The following KIF2A variants were observed in gnomAD, a reference collection of about 807,000 sequenced individuals.
KIF2A encodes the protein kinesin family member 2A, also known as kinesin-like protein KIF2A.
KIF2A carries 22 observed loss-of-function variants against 100.2 expected under a neutral mutation model. That is an observed-to-expected ratio of 0.22 (90% CI 0.16 to 0.31). KIF2A has a LOEUF of 0.31. Among genes scored for constraint, KIF2A ranks in the 10% least tolerant of loss-of-function variants. The probability of loss-of-function intolerance (pLI) is 1.00; values close to 1 mark genes in which losing one functional copy is unlikely to be tolerated. For missense variants in KIF2A, 495 were observed against 898.7 expected, an observed-to-expected ratio of 0.55 and a Z score of 5.74; for synonymous variants, 268 against 285.9, an observed-to-expected ratio of 0.94 and a Z score of 0.63.
chr5:62,329,683 C>CT (rs1234413067), intron 1 of KIF2A, among the ~76,000 whole-genome samples: 1 of 152,084 alleles, frequency 6.6e-6, no homozygotes, highest in Non-Finnish European at 1.5e-5. Context: ...CTAAATAATG[C>CT]TTTTTTGTAG....
Position 62,306,435 on chromosome 5 carries a change from C to G in KIF2A, c.-38C>G. 1.3e-6 allele frequency: 2 copies of G among 1,520,164 alleles called. No homozygotes were observed. The highest frequency in any genetic ancestry group is 1.8e-6 in the Non-Finnish European group (2 of 1,125,226). 94.2% of individuals were successfully genotyped at this position (1,520,164 alleles called of 1,614,324 possible). A position where few individuals can be genotyped will look rare whatever the true frequency, so the allele number is the denominator to read the frequency against. ...CCCCGCCTTTTCCGCCCTCCGGTCCCCCTCCCTCGGCCCGCTGCTGCTGCT... is the reference window on the plus strand; with the variant it reads ...CCCCGCCTTTTCCGCCCTCCGGTCCGCCTCCCTCGGCCCGCTGCTGCTGCT... On this transcript the variant is annotated 5_prime_UTR_variant, in exon 1 of 21. Transcript: ENST00000407818.
intron 16 of KIF2A, 105 bp from the exon 17 acceptor site, chr5:62,372,333 A>G (rs1580092356): frequency 1.0e-5 from 7 of 674,204 alleles, no homozygotes; most frequent in South Asian, 1.0e-4. Flanking sequence ...AACAATATCA[A>G]TATCCTTTTC....
At chr5:62,372,587 A>G in intron 17 of KIF2A, 36 bp downstream of exon 17, 3 of 1,156,892 alleles carry the variant, frequency 2.6e-6, no homozygotes, top group Middle Eastern at 1.9e-4. Flanking sequence ...GTTTATTTGT[A>G]TACTTTCTTT....
At position 62,386,745 on chromosome 5, in the gene KIF2A, G is replaced by A. The variant is rs1190892436; in HGVS notation, c.*1176G>A. ...ACTTCATTGTTGTTTGGTGAGAATC[G>A]CCAAATTCTCACTAATACATTGGTA... On this transcript the variant is annotated 3_prime_UTR_variant, in exon 21 of 21. Coordinates refer to ENST00000407818, the MANE Select transcript of KIF2A (RefSeq NM_001098511.3). Among the ~76,000 whole-genome samples, 1 of 152,146 alleles carries A rather than the reference G, an allele frequency of 6.6e-6. No homozygotes were observed. Among genetic ancestry groups the A allele is most frequent in the Non-Finnish European group, 1.5e-5 (1 of 68,020 alleles).
intron 1 of KIF2A, chr5:62,308,606 A>G: frequency 1.4e-6 from 1 of 700,154 alleles, no homozygotes; most frequent in Admixed American, 2.0e-5. Flanking sequence ...TTAAAAAAGG[A>G]GATCCTACTG....
chr5:62,342,544 G>T (rs1223673701), intron 1 of KIF2A, among the ~76,000 whole-genome samples: 1 of 152,034 alleles, frequency 6.6e-6, no homozygotes, highest in Admixed American at 6.6e-5. Flanking sequence ...GCATGGCATG[G>T]GTAATAGGAC....
Position 62,371,968 on chromosome 5 carries a change from A to G in KIF2A, c.1647-470A>G, listed in dbSNP as rs185887371. ...TCACAGCTAATGCCATTCTGGATGC[A>G]TAGGAAAGAAGTTAATTCATTACAA... On this transcript the variant is annotated intron_variant, in intron 16 of 20. Coordinates refer to ENST00000407818, the MANE Select transcript of KIF2A (RefSeq NM_001098511.3). Among the ~76,000 whole-genome samples, 22 of 152,360 alleles carry G rather than the reference A, an allele frequency of 1.4e-4. No homozygotes were observed. The East Asian group carries it at 4.2e-3, about 29-fold the overall frequency.
Position 62,372,548 on chromosome 5 carries a change from C to G in KIF2A, c.1757C>G (p.Thr586Ser). ...YEYDDFSPSV[T>S]RVKELTVDPT... ...TATGACGACTTTTCTCCTTCAGTTA[C>G]CAGGTCTACTTCATTCTATACATAA... Residue 586 changes from threonine (T) to serine (S), a missense_variant, in exon 17 of 21, where the codon ACC (threonine) becomes AGC (serine). Coordinates refer to ENST00000407818, the MANE Select transcript of KIF2A (RefSeq NM_001098511.3). 2 of 1,532,514 alleles carry G rather than the reference C, an allele frequency of 1.3e-6. No individual in the cohort carries two copies. The highest frequency in any genetic ancestry group is 1.8e-6 in the Non-Finnish European group (2 of 1,106,570). 94.9% of individuals were successfully genotyped at this position (1,532,514 alleles called of 1,614,324 possible).
rs772578105 is a variant in KIF2A at position 62,372,513 on chromosome 5, T to C, written c.1722T>C (p.Pro574=). 4.3e-6 allele frequency: 7 copies of C among 1,611,874 alleles called. No homozygotes were observed. In the African/African-American group the frequency reaches 8.0e-5, roughly 18 times the overall value. Reference sequence around the variant, plus strand: ...GTGGCAGTCGCCCTGATCTCTCTCCTTCTTATGAATATGACGACTTTTCTC... The same window carrying C: ...GTGGCAGTCGCCCTGATCTCTCTCCCTCTTATGAATATGACGACTTTTCTC... ...QGSGSRPDLS[P]SYEYDDFSPS... Residue 574 remains proline, a synonymous_variant, in exon 17 of 21, where the codon CCT becomes CCC. Transcript: ENST00000407818.
intron 19 of KIF2A, among the ~76,000 whole-genome samples, chr5:62,380,724 A>G (rs1741741333): frequency 1.3e-5 from 2 of 152,230 alleles, no homozygotes; most frequent in African/African-American, 4.8e-5. Context: ...AAGGAGAATT[A>G]TATTTACTAT....
At chr5:62,344,723 AG>A (rs1456548860) in intron 1 of KIF2A, among the ~76,000 whole-genome samples, 1 of 152,246 alleles carries the variant, frequency 6.6e-6, no homozygotes, top group African/African-American at 2.4e-5. Flanking sequence ...CTCCTAATAA[AG>A]GAATAAATTG....
Position 62,386,887 on chromosome 5 carries a change from TC to T in KIF2A, c.*1319del, listed in dbSNP as rs1302200159. Among the ~76,000 whole-genome samples the T allele has an allele frequency of 6.6e-6, 1 of 152,222 alleles. No homozygotes were observed. The highest frequency in any genetic ancestry group is 1.5e-5 in the Non-Finnish European group (1 of 68,040). On this transcript the variant is annotated 3_prime_UTR_variant, in exon 21 of 21. Coordinates refer to ENST00000407818, the MANE Select transcript of KIF2A (RefSeq NM_001098511.3). ...TTTTGTTCAAAGATTTGTATATCTC[TC>T]TAGGAGTTTTCCCTCAGTTCCCAGG... is the stretch of plus-strand genomic sequence containing the variant.
chr5:62,308,299 AT>A (rs1172075826), intron 1 of KIF2A: 9 of 1,374,886 alleles, frequency 6.5e-6, no homozygotes, highest in East Asian at 5.3e-5. Context: ...TGTTAATGTC[AT>A]TTTTTTAGGT....
chr5:62,365,180 G>T (rs1741010526), intron 14 of KIF2A, 63 bp from the exon 15 acceptor site: 1 of 787,536 alleles, frequency 1.3e-6, no homozygotes, highest in Non-Finnish European at 2.0e-6. Flanking sequence ...TTTAAAATAT[G>T]TTAATTAAGA....
At position 62,348,245 on chromosome 5, in the gene KIF2A, T is replaced by C. The variant is rs950127001; in HGVS notation, c.279+78T>C. On this transcript the variant is annotated intron_variant, in intron 3 of 20. Coordinates refer to ENST00000407818, the MANE Select transcript of KIF2A (RefSeq NM_001098511.3). The stretch of plus-strand genomic sequence containing the variant: ...GATGTGTGTGTGTTCTAGTTTGAAA[T>C]TGGTAGGCTTTGAAGAGTTTAAGAA... The C allele has an allele frequency of 2.9e-5, 43 of 1,487,548 alleles. No individual in the cohort carries two copies. In the Admixed American group the frequency reaches 3.2e-4, roughly 11 times the overall value. 92.1% of individuals were successfully genotyped at this position (1,487,548 alleles called of 1,614,324 possible).
intron 1 of KIF2A, among the ~76,000 whole-genome samples, chr5:62,320,927 A>G (rs1746062220): frequency 6.6e-6 from 1 of 152,008 alleles, no homozygotes; most frequent in Non-Finnish European, 1.5e-5. Context: ...ATTAGCAGTC[A>G]CTCTGCATTC....
At chr5:62,367,274 G>A (rs755033701) in intron 16 of KIF2A, among the ~76,000 whole-genome samples, 1 of 151,450 alleles carries the variant, frequency 6.6e-6, no homozygotes, top group African/African-American at 2.4e-5. Flanking sequence ...TTTTTGTTTT[G>A]GTTTTTTTTT....
intron 14 of KIF2A, among the ~76,000 whole-genome samples, chr5:62,364,108 A>T (rs1027615487): frequency 2.7e-5 from 4 of 150,782 alleles, no homozygotes; most frequent in Non-Finnish European, 4.4e-5. Context: ...AGGATATGTG[A>T]GTTAGTAGGT....
At chr5:62,340,395 C>G (rs1157215074) in intron 1 of KIF2A, among the ~76,000 whole-genome samples, 2 of 151,984 alleles carry the variant, frequency 1.3e-5, no homozygotes, top group Non-Finnish European at 2.9e-5. Flanking sequence ...CAGAGAGAGT[C>G]AAAGGGCAAT....
Sources: gnomAD v4.1 joint callset for allele counts (sites outside exome capture counted in the v4.1 genomes callset) on GRCh38, gnomAD v4.1.1 for gene constraint, MANE v1.5 for transcripts, NCBI Gene and HGNC (gene_info 2026-07-23, HGNC 2026-07-21) for gene names.